Variants in WDSUB1 observed in about 807,000 individuals in gnomAD.
The protein encoded by WDSUB1 is WD repeat, SAM and U-box domain-containing protein 1.
In WDSUB1, 49 loss-of-function variants were observed where a neutral mutation model predicts 53.9. The ratio of observed to expected loss-of-function variants is 0.91; its 90% CI spans 0.72 to 1.15. The LOEUF (loss-of-function observed/expected upper bound fraction) is 1.15. WDSUB1 is among the 50% of genes most tolerant of loss of function. WDSUB1 has a pLI of 0.00. For synonymous variants in WDSUB1, 194 were observed against 200.6 expected (o/e 0.97, Z 0.28); for missense variants, 514 against 562.0 (o/e 0.91, Z 0.86).
intron 5 of WDSUB1, 97 bp downstream of exon 5, chr2:159,271,605 G>T: frequency 9.8e-7 from 1 of 1,020,188 alleles, no homozygotes; most frequent in Non-Finnish European, 1.5e-6. Context: ...CTTTGTGGTG[G>T]CTCATCAAGC....
chr2:159,256,275 A>C lies in WDSUB1; in HGVS notation c.1053T>G (p.Gly351=). ...CATCAATGTTATTCATCTTGAAAAT[A>C]CCAACAAGATCTTTTAAATCTTGTG... ...LCAQDLKDLV[G]IFKMNNIDGK... Residue 351 remains glycine, a synonymous_variant, in exon 9 of 11, where the codon GGT becomes GGG. Coordinates refer to ENST00000359774, the MANE Select transcript of WDSUB1 (RefSeq NM_001128212.3). 6.2e-7 allele frequency: 1 copy of C among 1,612,284 alleles called. No homozygotes were observed. The highest frequency in any genetic ancestry group is 8.5e-7 in the Non-Finnish European group (1 of 1,179,480).
intron 4 of WDSUB1, among the ~76,000 whole-genome samples, chr2:159,272,313 G>A (rs893939478): frequency 6.6e-6 from 1 of 152,214 alleles, no homozygotes; most frequent in Non-Finnish European, 1.5e-5. Flanking sequence ...TCTCAGGTAA[G>A]AAAAGGCAAG....
At chr2:159,277,618 G>A (rs1376471318) in intron 3 of WDSUB1, among the ~76,000 whole-genome samples, 1 of 152,088 alleles carries the variant, frequency 6.6e-6, no homozygotes, top group East Asian at 1.9e-4. Context: ...TTACTCTCAG[G>A]TGCAAACAGG....
At chr2:159,279,550 C>CA (rs1019564947) in intron 3 of WDSUB1, among the ~76,000 whole-genome samples, 5 of 149,340 alleles carry the variant, frequency 3.3e-5, no homozygotes, top group Admixed American at 6.7e-5. Flanking sequence ...ACTCCAAGAC[C>CA]AAAAAAAAAG....
intron 5 of WDSUB1, among the ~76,000 whole-genome samples, chr2:159,266,349 C>T (rs1048647470): frequency 1.3e-5 from 2 of 152,086 alleles, no homozygotes; most frequent in Admixed American, 6.5e-5. Context: ...CCACAACGCC[C>T]GGCTAATTTT....
At chr2:159,249,265 C>T (rs1421075419) in intron 9 of WDSUB1, among the ~76,000 whole-genome samples, 1 of 152,112 alleles carries the variant, frequency 6.6e-6, no homozygotes, top group Non-Finnish European at 1.5e-5. Context: ...TTGTAAGAAA[C>T]ACAATCACAA....
chr2:159,244,634 T>G (rs1019142935), intron 10 of WDSUB1, among the ~76,000 whole-genome samples: 2 of 152,190 alleles, frequency 1.3e-5, no homozygotes, highest in Non-Finnish European at 2.9e-5. Flanking sequence ...TATAAAAATA[T>G]GAGCTACTGG....
At chr2:159,275,516 T>G in intron 4 of WDSUB1, 30 bp downstream of exon 4, 1 of 1,516,672 alleles carries the variant, frequency 6.6e-7, no homozygotes, top group Non-Finnish European at 8.9e-7. Flanking sequence ...CCACAAATAA[T>G]TTTAGAGAAG....
intron 10 of WDSUB1, among the ~76,000 whole-genome samples, chr2:159,247,901 AT>A: frequency 5.5e-5 from 1 of 18,234 alleles, no homozygotes; most frequent in Non-Finnish European, 1.4e-4. Flanking sequence ...ATATATATAT[AT>A]ATATATAAAT....
At chr2:159,241,732 A>AGAT (rs2060654460) in intron 10 of WDSUB1, among the ~76,000 whole-genome samples, 1 of 51,338 alleles carries the variant, frequency 1.9e-5, no homozygotes, top group Non-Finnish European at 6.4e-5. Context: ...TTTTTTTTTG[A>AGAT]GATGGAGTCT....
At chr2:159,259,043 A>G (rs538291117) in intron 6 of WDSUB1, among the ~76,000 whole-genome samples, 2 of 136,634 alleles carry the variant, frequency 1.5e-5, no homozygotes, top group Admixed American at 6.9e-5. Context: ...TTTATTTTTG[A>G]GACAGGGTCT....
chr2:159,282,898 G>A lies in WDSUB1; in HGVS notation c.172C>T (p.His58Tyr). 1 of 1,614,144 alleles carries A rather than the reference G, an allele frequency of 6.2e-7. No individual in the cohort carries two copies. The highest frequency in any genetic ancestry group is 8.5e-7 in the Non-Finnish European group (1 of 1,180,042). The change falls in exon 2 of 11, where the codon CAC becomes TAC. Residue 58 changes from histidine (H) to tyrosine (Y), a missense_variant. Physicochemically the swap from His to Tyr is moderately conservative, Grantham distance 83. Transcript: ENST00000359774. ...SPLKFHTYAVHCCCFSPSGHI... is the reference protein window; with the variant it reads ...SPLKFHTYAVYCCCFSPSGHI... ...CCTGAAGGGGAGAAACAGCAGCAGT[G>A]GACAGCATAGGTATGAAACTTCAAT...
intron 3 of WDSUB1, among the ~76,000 whole-genome samples, chr2:159,277,634 T>A (rs989137251): frequency 6.6e-6 from 1 of 152,200 alleles, no homozygotes; most frequent in Admixed American, 6.5e-5. Context: ...ACAGGATTAT[T>A]TTTCCTTATT....
At chr2:159,257,670 G>C (rs899153011) in intron 8 of WDSUB1, 88 bp downstream of exon 8, 1 of 1,158,782 alleles carries the variant, frequency 8.6e-7, no homozygotes, top group African/African-American at 1.5e-5. Flanking sequence ...TTACAGGTGT[G>C]AGCCGCGGTG....
rs2061105789 is a variant in WDSUB1, at chr2:159,258,002, A to G, written c.805-17T>C. On this transcript the variant is annotated splice_polypyrimidine_tract_variant and intron_variant, in intron 6 of 10. Transcript: ENST00000359774. Reference sequence around the variant, plus strand: ...CTCAGTATTCTGAAAAACAATAAAAACAGCTTTAAATTTACTCAAGTAAGA... The same window carrying G: ...CTCAGTATTCTGAAAAACAATAAAAGCAGCTTTAAATTTACTCAAGTAAGA... The G allele has an allele frequency of 6.2e-7, 1 of 1,610,582 alleles. No individual in the cohort carries two copies. Among genetic ancestry groups the G allele is most frequent in the Non-Finnish European group, 8.5e-7 (1 of 1,178,682 alleles).
rs996919928 is a variant in WDSUB1, at chr2:159,259,878, A to G, written c.771-35T>C. 12 of 1,471,534 alleles carry G rather than the reference A, an allele frequency of 8.2e-6. No homozygotes were observed. In the African/African-American group the frequency reaches 1.0e-4, roughly 12 times the overall value. 91.2% of individuals were successfully genotyped at this position (1,471,534 alleles called of 1,614,324 possible). On this transcript the variant is annotated intron_variant, in intron 5 of 10. Transcript: ENST00000359774. ...AAATAAATTATAGGTGAAAAGTTCT[A>G]TAAAAACAAAGTACAGCATTTATGT...
At chr2:159,261,892 ATATATTTTTTTTTTTTTT>A (rs1558856729) in intron 5 of WDSUB1, among the ~76,000 whole-genome samples, 6 of 13,218 alleles carry the variant, frequency 4.5e-4, no homozygotes, top group Admixed American at 1.4e-3. Context: ...ATATATATAT[ATATATTTTTTTTTTTTTT>A]TTTTTTTTTT....
At chr2:159,282,065 A>AC (rs1553460834) in intron 2 of WDSUB1, among the ~76,000 whole-genome samples, 3 of 106,634 alleles carry the variant, frequency 2.8e-5, no homozygotes, top group Non-Finnish European at 6.6e-5. Context: ...AACTCTTACA[A>AC]TTAAAAAAAA....
At chr2:159,246,483 G>T (rs541072408) in intron 10 of WDSUB1, among the ~76,000 whole-genome samples, 67 of 149,026 alleles carry the variant, frequency 4.5e-4, no homozygotes, top group African/African-American at 1.6e-3. Flanking sequence ...CCACTAAAAT[G>T]GCAAAATTTA....
Sources: allele counts gnomAD v4.1 joint callset (sites outside exome capture counted in the v4.1 genomes callset), GRCh38; gene constraint gnomAD v4.1.1; transcripts MANE v1.5; gene names NCBI Gene and HGNC (gene_info 2026-07-23, HGNC 2026-07-21).